The following C19orf53 variants were observed in gnomAD, a reference collection of about 807,000 sequenced individuals.
C19orf53 encodes leydig cell tumor 10 kDa protein homolog.
Under a neutral mutation model 6.5 loss-of-function variants are expected in C19orf53, and 9 were observed. The ratio of observed to expected loss-of-function variants is 1.38; its 90% CI spans 0.83 to 2.40. The LOEUF is 2.40. C19orf53 is among the 30% of genes most tolerant of loss of function. The pLI, the probability that C19orf53 is intolerant of heterozygous loss-of-function variation, is 0.00. For synonymous variants in C19orf53, 68 were observed against 52.5 expected, an observed-to-expected ratio of 1.29 and a Z score of -1.27; for missense variants, 166 against 129.7, an observed-to-expected ratio of 1.28 and a Z score of -1.36.
chr19:13,774,747 T>G (rs1974348047), intron 2 of C19orf53, 40 bp downstream of exon 2: 3 of 1,561,614 alleles, frequency 1.9e-6, no homozygotes, highest in African/African-American at 1.4e-5. Flanking sequence ...GGGCGGCGAG[T>G]AGCGAGGGGT....
chr19:13,778,689 ACAACCAGAGT>A lies in C19orf53; in HGVS notation c.*495_*504del, dbSNP rs1974394813. Among the ~76,000 whole-genome samples the A allele has an allele frequency of 6.6e-6, 1 of 152,208 alleles. No individual in the cohort carries two copies. Among genetic ancestry groups the A allele is most frequent in the African/African-American group, 2.4e-5 (1 of 41,454 alleles). ...CTGGCCAGTCCTCACCCCTGGGGAC[ACAACCAGAGT>A]CAAGCTGGACATCAGTAGGTCAGAT... On this transcript the variant is annotated 3_prime_UTR_variant, in exon 3 of 3. Coordinates refer to ENST00000588234, the MANE Select transcript of C19orf53 (RefSeq NM_014047.3).
At chr19:13,776,256 G>T (rs1192783087) in intron 2 of C19orf53, among the ~76,000 whole-genome samples, 5 of 151,120 alleles carry the variant, frequency 3.3e-5, no homozygotes, top group African/African-American at 1.2e-4. Context: ...GGGATTACAG[G>T]CATGAGCCAC....
At chr19:13,777,360 T>C (rs1299987210) in intron 2 of C19orf53, among the ~76,000 whole-genome samples, 1 of 152,010 alleles carries the variant, frequency 6.6e-6, no homozygotes, top group Admixed American at 6.6e-5. Context: ...CCCAAACAGC[T>C]GAGACGAGAG....
intron 2 of C19orf53, 115 bp from the exon 3 acceptor site, chr19:13,777,937 C>A: frequency 7.4e-7 from 1 of 1,345,738 alleles, no homozygotes; most frequent in Non-Finnish European, 1.0e-6. Flanking sequence ...AGGTGCGGTT[C>A]GAGGGGATAG....
intron 2 of C19orf53, 65 bp downstream of exon 2, chr19:13,774,772 G>T: frequency 6.5e-7 from 1 of 1,543,234 alleles, no homozygotes; most frequent in East Asian, 2.3e-5. Flanking sequence ...CCCGGAGGAC[G>T]GCGAGGGGGG....
Position 13,778,499 on chromosome 19 carries a change from G to A in C19orf53, c.*301G>A. 1 of 235,446 alleles carries A rather than the reference G, an allele frequency of 4.2e-6. No individual in the cohort carries two copies. Among genetic ancestry groups the A allele is most frequent in the Admixed American group, 5.6e-5 (1 of 17,824 alleles). The allele number at this position is 235,446 out of a possible 1,614,324, so 14.6% of individuals were successfully genotyped here. ...CTGTGTTCGGGTGAGCAGGCCAGGT[G>A]AGCCCACAAGTCTCCATGAGTGACG... On this transcript the variant is annotated 3_prime_UTR_variant, in exon 3 of 3. Transcript: ENST00000588234.
In C19orf53 at chr19:13,778,743, G is replaced by GGATACATAA. The variant is rs1974395457; in HGVS notation, c.*546_*547insATACATAAG. On this transcript the variant is annotated 3_prime_UTR_variant, in exon 3 of 3. Coordinates refer to ENST00000588234, the MANE Select transcript of C19orf53 (RefSeq NM_014047.3). ...GTCAGATGCCACCTCACAGGACCAA[G>GGATACATAA]GTGCCGATTAAACCGGAATACATTC... 6.6e-6 allele frequency among the ~76,000 whole-genome samples: 1 copy of GGATACATAA among 152,208 alleles called. No individual in the cohort carries two copies. The highest frequency in any genetic ancestry group is 1.9e-4 in the East Asian group (1 of 5,206).
intron 2 of C19orf53, among the ~76,000 whole-genome samples, chr19:13,775,850 TC>T (rs1010125648): frequency 2.0e-5 from 3 of 152,174 alleles, no homozygotes; most frequent in East Asian, 3.9e-4. Context: ...AAATTCCTGA[TC>T]CTCCCTTCCC....
intron 2 of C19orf53, among the ~76,000 whole-genome samples, chr19:13,777,015 G>A (rs567729477): frequency 1.9e-4 from 29 of 152,130 alleles, no homozygotes; most frequent in Non-Finnish European, 3.4e-4. Flanking sequence ...GCAGTGGTGC[G>A]GTCTGGGCTC....
At position 13,778,377 on chromosome 19, in the gene C19orf53, T is replaced by A; in HGVS notation, c.*179T>A. The A allele has an allele frequency of 1.5e-6, 1 of 668,964 alleles. No homozygotes were observed. Among genetic ancestry groups the A allele is most frequent in the Non-Finnish European group, 2.3e-6 (1 of 435,030 alleles). The allele number at this position is 668,964 out of a possible 1,614,324, so 41.4% of individuals were successfully genotyped here. On this transcript the variant is annotated 3_prime_UTR_variant, in exon 3 of 3. Coordinates refer to ENST00000588234, the MANE Select transcript of C19orf53 (RefSeq NM_014047.3). ...CCCAGCAATGACCAGGAAGATACAG[T>A]CACTAACTTCATCTGTCCCCGTGCC...
chr19:13,777,501 C>T (rs73011608), intron 2 of C19orf53, among the ~76,000 whole-genome samples: 48,522 of 152,052 alleles, frequency 0.32, 8,339 homozygotes, highest in South Asian at 0.44. Context: ...GCTGGGATCA[C>T]AGGCTTGAGC....
Position 13,778,104 on chromosome 19 carries a change from C to G in C19orf53, c.206C>G (p.Ala69Gly), listed in dbSNP as rs1215488436. Residue 69 changes from alanine (A) to glycine (G), a missense_variant, in exon 3 of 3, where the codon GCC (alanine) becomes GGC (glycine). Ala to Gly is a moderately conservative substitution (Grantham distance 60). Coordinates refer to ENST00000588234, the MANE Select transcript of C19orf53 (RefSeq NM_014047.3). ...ATCGAACATGACGTGGTGATGAAAGCCAGCAGCAGCCTGCCCAAGAAGCTG... is the reference window on the plus strand; with the variant it reads ...ATCGAACATGACGTGGTGATGAAAGGCAGCAGCAGCCTGCCCAAGAAGCTG... The part of the protein sequence containing the change: ...KKIEHDVVMK[A>G]SSSLPKKLAL... 2.5e-6 allele frequency: 4 copies of G among 1,613,208 alleles called. No homozygotes were observed. The highest frequency in any genetic ancestry group is 3.4e-6 in the Non-Finnish European group (4 of 1,179,560).
At chr19:13,777,928 G>C (rs1167934884) in intron 2 of C19orf53, 124 bp from the exon 3 acceptor site, 37 of 1,239,532 alleles carry the variant, frequency 3.0e-5, no homozygotes, top group Non-Finnish European at 4.0e-5. Flanking sequence ...CCCACAGTCA[G>C]GTGCGGTTCG....
intron 2 of C19orf53, chr19:13,775,000 G>A (rs899173473): frequency 7.5e-6 from 4 of 536,210 alleles, no homozygotes; most frequent in South Asian, 3.0e-5. Flanking sequence ...CACAGGGATC[G>A]GCAAAGGGCA....
intron 2 of C19orf53, 128 bp downstream of exon 2, chr19:13,774,835 C>G (rs758398586): frequency 5.4e-6 from 7 of 1,290,802 alleles, no homozygotes; most frequent in Non-Finnish European, 2.1e-6. Flanking sequence ...TGGGGACGAG[C>G]TAGGAGCGAG....
At chr19:13,776,957 T>TG (rs1391340259) in intron 2 of C19orf53, among the ~76,000 whole-genome samples, 2 of 152,230 alleles carry the variant, frequency 1.3e-5, no homozygotes. Flanking sequence ...TTTTGTTTTT[T>TG]GTTTTTGTTT....
intron 2 of C19orf53, among the ~76,000 whole-genome samples, chr19:13,776,186 G>C (rs151101323): frequency 0.013 from 1,841 of 139,096 alleles, 11 homozygotes; most frequent in Middle Eastern, 0.029. Flanking sequence ...CACTATGTTG[G>C]CCAGGCTGGT....
intron 2 of C19orf53, among the ~76,000 whole-genome samples, chr19:13,777,807 C>T (rs1288630658): frequency 6.6e-6 from 1 of 152,194 alleles, no homozygotes; most frequent in African/African-American, 2.4e-5. Flanking sequence ...GACTGTTTCC[C>T]CATCCATAAA....
chr19:13,778,079 A>G lies in C19orf53; in HGVS notation c.181A>G (p.Ile61Val), dbSNP rs769270825. The G allele has an allele frequency of 3.1e-6, 5 of 1,612,506 alleles. No homozygotes were observed. Among genetic ancestry groups the G allele is most frequent in the Admixed American group, 3.3e-5 (2 of 59,858 alleles). The change falls in exon 3 of 3, where the codon ATC becomes GTC. Residue 61 changes from isoleucine (I) to valine (V), a missense_variant. Transcript: ENST00000588234. ...CCTAGAAGTCGGAATCCGGAAGAAG[A>G]TCGAACATGACGTGGTGATGAAAGC... is the stretch of plus-strand genomic sequence containing the variant. Reference protein sequence around the residue: ...KNLEVGIRKKIEHDVVMKASS... With the variant: ...KNLEVGIRKKVEHDVVMKASS...
Sources: gnomAD v4.1 joint callset for allele counts (sites outside exome capture counted in the v4.1 genomes callset) on GRCh38, gnomAD v4.1.1 for gene constraint, MANE v1.5 for transcripts, NCBI Gene and HGNC (gene_info 2026-07-23, HGNC 2026-07-21) for gene names.